Variants in GSKIP observed in about 807,000 individuals in gnomAD.
The protein encoded by GSKIP is GSK3B-interacting protein.
In GSKIP, 5 loss-of-function variants were observed where a neutral mutation model predicts 11.9. That is an observed-to-expected ratio of 0.42 (90% CI 0.22 to 0.89). The LOEUF is 0.89. GSKIP is among the 40% of genes least tolerant of loss of function. GSKIP has a pLI of 0.29. For missense variants in GSKIP, 150 were observed against 166.6 expected, an observed-to-expected ratio of 0.90 and a Z score of 0.55; for synonymous variants, 70 against 62.9, an observed-to-expected ratio of 1.11 and a Z score of -0.54.
chr14:96,374,538 A>T (rs959037488), intron 1 of GSKIP, among the ~76,000 whole-genome samples: 16 of 152,280 alleles, frequency 1.1e-4, no homozygotes, highest in Admixed American at 1.0e-3. Context: ...CATCTTTTTA[A>T]TTTTTTTATT....
chr14:96,375,380 C>T (rs965838929), intron 1 of GSKIP, among the ~76,000 whole-genome samples: 1 of 151,716 alleles, frequency 6.6e-6, no homozygotes, highest in Non-Finnish European at 1.5e-5. Flanking sequence ...TTGCTTATAA[C>T]AGAATACCTG....
chr14:96,374,919 A>G (rs572527619), intron 1 of GSKIP, among the ~76,000 whole-genome samples: 1 of 152,040 alleles, frequency 6.6e-6, no homozygotes, highest in South Asian at 2.1e-4. Context: ...GTAATTATAT[A>G]TTACATATAA....
At chr14:96,378,604 T>C (rs1889264492) in intron 1 of GSKIP, among the ~76,000 whole-genome samples, 1 of 152,196 alleles carries the variant, frequency 6.6e-6, no homozygotes, top group South Asian at 2.1e-4. Flanking sequence ...ATAGTAGCAA[T>C]AGGACACTAA....
At chr14:96,381,491 G>A (rs1030865688) in intron 2 of GSKIP, among the ~76,000 whole-genome samples, 1 of 152,136 alleles carries the variant, frequency 6.6e-6, no homozygotes, top group African/African-American at 2.4e-5. Flanking sequence ...GTATGGGGAA[G>A]GCCTAGAGCA....
At chr14:96,370,412 A>G (rs1595346127) in intron 1 of GSKIP, among the ~76,000 whole-genome samples, 3 of 152,134 alleles carry the variant, frequency 2.0e-5, no homozygotes, top group East Asian at 1.9e-4. Flanking sequence ...GTTTGGCCCC[A>G]TCAAGTCTCT....
intron 1 of GSKIP, among the ~76,000 whole-genome samples, chr14:96,377,889 T>C (rs1194512862): frequency 6.6e-6 from 1 of 152,134 alleles, no homozygotes; most frequent in Admixed American, 6.5e-5. Context: ...GGAATACCCA[T>C]CCCCAGTACA....
At chr14:96,379,388 A>G (rs911049270) in intron 1 of GSKIP, among the ~76,000 whole-genome samples, 2 of 152,166 alleles carry the variant, frequency 1.3e-5, no homozygotes, top group African/African-American at 2.4e-5. Context: ...ATCTCAGCCA[A>G]ATTGCTTGGT....
chr14:96,377,016 T>A lies in GSKIP; in HGVS notation c.-102-2672T>A, dbSNP rs369307550. Among the ~76,000 whole-genome samples, 4 of 152,232 alleles carry A rather than the reference T, an allele frequency of 2.6e-5. No individual in the cohort carries two copies. The East Asian group carries it at 5.8e-4, about 22-fold the overall frequency. On this transcript the variant is annotated intron_variant, in intron 1 of 3. Transcript: ENST00000555181. ...TTGCTACTCATATATAAAGTTTGATTCAGTGCCTTTACATCTGCTGAGATT... is the reference window on the plus strand; with the variant it reads ...TTGCTACTCATATATAAAGTTTGATACAGTGCCTTTACATCTGCTGAGATT...
intron 1 of GSKIP, among the ~76,000 whole-genome samples, chr14:96,377,599 TAAG>T (rs1211292103): frequency 6.6e-6 from 1 of 152,232 alleles, no homozygotes; most frequent in Non-Finnish European, 1.5e-5. Context: ...GTGCTTATAA[TAAG>T]GTGTCTGCTC....
At chr14:96,377,951 C>G (rs976999022) in intron 1 of GSKIP, among the ~76,000 whole-genome samples, 5 of 152,194 alleles carry the variant, frequency 3.3e-5, no homozygotes, top group African/African-American at 1.2e-4. Flanking sequence ...ACCTATGATT[C>G]AGAAACCTTT....
At position 96,375,436 on chromosome 14, in the gene GSKIP, C is replaced by T. The variant is rs148736558; in HGVS notation, c.-102-4252C>T. 2.0e-3 allele frequency among the ~76,000 whole-genome samples: 227 copies of T among 114,336 alleles called. 6 individuals are homozygous for T. Among genetic ancestry groups the T allele is most frequent in the Non-Finnish European group, 3.2e-3 (155 of 48,324 alleles). 75.0% of individuals were successfully genotyped at this position (114,336 alleles called of 152,430 possible). On this transcript the variant is annotated intron_variant, in intron 1 of 3. Transcript: ENST00000555181. ...AAAAGAAATTTATTTCTTTTTCTCTCTTTTTTTTTTTTTTTGAGACAGCGT... is the reference window on the plus strand; with the variant it reads ...AAAAGAAATTTATTTCTTTTTCTCTTTTTTTTTTTTTTTTTGAGACAGCGT...
At chr14:96,381,198 G>A (rs1595351445) in intron 2 of GSKIP, among the ~76,000 whole-genome samples, 1 of 152,146 alleles carries the variant, frequency 6.6e-6, no homozygotes, top group South Asian at 2.1e-4. Context: ...CATATAGCCA[G>A]GAAGATCTTT....
chr14:96,379,755 G>A lies in GSKIP; in HGVS notation c.-35G>A, dbSNP rs2053588. On this transcript the variant is annotated 5_prime_UTR_variant, in exon 2 of 4. Transcript: ENST00000555181. ...GACCTGTGAGGATTCCTTCCCTTCAGGTACTGGATTCTTGATCTTTCTGCA... is the reference window on the plus strand; with the variant it reads ...GACCTGTGAGGATTCCTTCCCTTCAAGTACTGGATTCTTGATCTTTCTGCA... 0.9 allele frequency: 136,499 copies of A among 152,128 alleles called. 61,631 individuals are homozygous for A. Among genetic ancestry groups the A allele is most frequent in the African/African-American group, 0.94 (39,023 of 41,514 alleles). The allele number at this position is 152,128 out of a possible 1,614,324, so 9.4% of individuals were successfully genotyped here.
At position 96,386,970 on chromosome 14, in the gene GSKIP, A is replaced by G. The variant is rs1889507584; in HGVS notation, c.*1286A>G. On this transcript the variant is annotated 3_prime_UTR_variant, in exon 4 of 4. Transcript: ENST00000555181. Reference sequence around the variant, plus strand: ...TATTTTTCCATCATTATTAAAAAACAGGAACTTTTAGGCTCTGAAGATCAT... The same window carrying G: ...TATTTTTCCATCATTATTAAAAAACGGGAACTTTTAGGCTCTGAAGATCAT... The G allele has an allele frequency of 6.6e-6, 1 of 152,310 alleles. No individual in the cohort carries two copies. Among genetic ancestry groups the G allele is most frequent in the Non-Finnish European group, 1.5e-5 (1 of 68,046 alleles). The allele number at this position is 152,310 out of a possible 1,614,324, so 9.4% of individuals were successfully genotyped here.
At chr14:96,379,415 G>A (rs1156678330) in intron 1 of GSKIP, among the ~76,000 whole-genome samples, 1 of 152,160 alleles carries the variant, frequency 6.6e-6, no homozygotes, top group African/African-American at 2.4e-5. Flanking sequence ...ACTTAGTACG[G>A]GAAGGGAGCA....
At chr14:96,368,316 C>G (rs1888953858) in intron 1 of GSKIP, among the ~76,000 whole-genome samples, 1 of 151,792 alleles carries the variant, frequency 6.6e-6, no homozygotes, top group African/African-American at 2.4e-5. Context: ...GTAGCTGGGA[C>G]TACAGGCTTG....
intron 3 of GSKIP, among the ~76,000 whole-genome samples, chr14:96,383,849 G>A (rs1357266787): frequency 1.3e-5 from 2 of 152,124 alleles, no homozygotes; most frequent in South Asian, 2.1e-4. Context: ...GTATTTAGAG[G>A]TGAATCTTAA....
Position 96,385,926 on chromosome 14 carries a change from A to AAT in GSKIP, c.*245_*246dup. ...TTAAGACATTCACATGTCTTCATAT[A>AAT]ATATCTCTTCATTTCAAATCCTAAT... On this transcript the variant is annotated 3_prime_UTR_variant, in exon 4 of 4. Transcript: ENST00000555181. The AAT allele has an allele frequency of 2.5e-6, 1 of 396,342 alleles. No homozygotes were observed. Among genetic ancestry groups the AAT allele is most frequent in the South Asian group, 3.0e-5 (1 of 33,220 alleles). 24.6% of individuals were successfully genotyped at this position (396,342 alleles called of 1,614,324 possible). A position where few individuals can be genotyped will look rare whatever the true frequency, so the allele number is the denominator to read the frequency against.
At chr14:96,375,569 G>A (rs953197287) in intron 1 of GSKIP, among the ~76,000 whole-genome samples, 1 of 151,892 alleles carries the variant, frequency 6.6e-6, no homozygotes, top group South Asian at 2.1e-4. Context: ...GAGTAGCTGG[G>A]ACTACAGGCA....
Sources: allele counts gnomAD v4.1 joint callset (sites outside exome capture counted in the v4.1 genomes callset), GRCh38; gene constraint gnomAD v4.1.1; transcripts MANE v1.5; gene names NCBI Gene and HGNC (gene_info 2026-07-23, HGNC 2026-07-21).